Variants in LCLAT1 observed in about 807,000 individuals in gnomAD.
LCLAT1 encodes 1-AGP acyltransferase 8.
In LCLAT1, 11 loss-of-function variants were observed where a neutral mutation model predicts 30.7. That is an observed-to-expected ratio of 0.36 (90% confidence interval 0.23 to 0.59). The LOEUF (loss-of-function observed/expected upper bound fraction) is 0.59. Among genes scored for constraint, LCLAT1 ranks in the 20% least tolerant of loss-of-function variants. The probability of loss-of-function intolerance (pLI) is 0.77; values close to 1 mark genes in which losing one functional copy is unlikely to be tolerated. For synonymous variants in LCLAT1, 155 were observed against 151.3 expected (o/e 1.02, Z -0.18); for missense variants, 402 against 458.6 (o/e 0.88, Z 1.13).
chr2:30,478,320 G>A (rs1683145872), intron 1 of LCLAT1, among the ~76,000 whole-genome samples: 1 of 152,118 alleles, frequency 6.6e-6, no homozygotes, highest in South Asian at 2.1e-4. Context: ...CATAATTTTT[G>A]TGGGAAAATG....
At chr2:30,457,144 T>C (rs1681876388) in intron 1 of LCLAT1, among the ~76,000 whole-genome samples, 1 of 152,230 alleles carries the variant, frequency 6.6e-6, no homozygotes, top group Non-Finnish European at 1.5e-5. Context: ...TGCATTGAGA[T>C]ATAAATTAAT....
At chr2:30,457,819 G>T (rs1257472846) in intron 1 of LCLAT1, among the ~76,000 whole-genome samples, 1 of 152,068 alleles carries the variant, frequency 6.6e-6, no homozygotes, top group Non-Finnish European at 1.5e-5. Context: ...TTGCGATTTG[G>T]GTCACGGAAT....
intron 1 of LCLAT1, among the ~76,000 whole-genome samples, chr2:30,502,169 TTCAGTGATTTCACTC>T (rs1189145673): frequency 1.3e-5 from 2 of 152,220 alleles, no homozygotes; most frequent in African/African-American, 4.8e-5. Flanking sequence ...GCTTTTTTTG[TTCAGTGATTTCACTC>T]TCTAGTTTTT....
At chr2:30,608,448 T>C (rs550529195) in intron 5 of LCLAT1, among the ~76,000 whole-genome samples, 1 of 152,196 alleles carries the variant, frequency 6.6e-6, no homozygotes, top group African/African-American at 2.4e-5. Context: ...AGTGGTGTCC[T>C]AGGCCTTCAC....
chr2:30,603,140 G>A (rs1667271189), intron 5 of LCLAT1, among the ~76,000 whole-genome samples: 1 of 152,030 alleles, frequency 6.6e-6, no homozygotes, highest in South Asian at 2.1e-4. Flanking sequence ...TGCAACATAT[G>A]TAAGAAATTT....
At chr2:30,546,577 C>T (rs969451662) in intron 3 of LCLAT1, among the ~76,000 whole-genome samples, 1 of 152,168 alleles carries the variant, frequency 6.6e-6, no homozygotes, top group African/African-American at 2.4e-5. Context: ...TATTTATAAA[C>T]ATTACAATAA....
chr2:30,552,979 C>T (rs779002982), intron 3 of LCLAT1, among the ~76,000 whole-genome samples: 40 of 152,154 alleles, frequency 2.6e-4, no homozygotes, highest in Non-Finnish European at 3.1e-4. Flanking sequence ...GTCTTTCTTC[C>T]GCCCTGCTTT....
chr2:30,481,704 T>C (rs1480478708), intron 1 of LCLAT1, among the ~76,000 whole-genome samples: 1 of 152,100 alleles, frequency 6.6e-6, no homozygotes, highest in Non-Finnish European at 1.5e-5. Context: ...GGCAGAAAGC[T>C]GACTGAAGAG....
chr2:30,519,953 G>T (rs1057425820), intron 1 of LCLAT1, among the ~76,000 whole-genome samples: 1 of 152,160 alleles, frequency 6.6e-6, no homozygotes, highest in African/African-American at 2.4e-5. Flanking sequence ...CACCGTGTCC[G>T]CTGCGCTTCT....
chr2:30,522,625 A>G (rs946128957), intron 1 of LCLAT1, among the ~76,000 whole-genome samples: 1 of 152,214 alleles, frequency 6.6e-6, no homozygotes, highest in East Asian at 1.9e-4. Context: ...GGTAATTGGG[A>G]TATCTTTGTA....
chr2:30,501,257 G>C (rs937049456), intron 1 of LCLAT1, among the ~76,000 whole-genome samples: 4 of 152,118 alleles, frequency 2.6e-5, no homozygotes, highest in African/African-American at 4.8e-5. Context: ...TCAGTGATTG[G>C]CTTTCTGTGC....
rs749196399 is a variant in LCLAT1, at chr2:30,562,332, G to A, written c.511+40G>A. 46 of 1,501,418 alleles carry A rather than the reference G, an allele frequency of 3.1e-5. 1 individual carries two copies. The South Asian group carries it at 5.9e-4, about 19-fold the overall frequency. The allele number at this position is 1,501,418 out of a possible 1,614,324, so 93.0% of individuals were successfully genotyped here. A position where few individuals can be genotyped will look rare whatever the true frequency, so the allele number is the denominator to read the frequency against. On this transcript the variant is annotated intron_variant, in intron 4 of 5. Transcript: ENST00000379509. ...GTTTGGCAAAGTTAGAAATCATGTA[G>A]TCTAAACTTCTCATTTCTCAGATGA...
intron 3 of LCLAT1, among the ~76,000 whole-genome samples, chr2:30,539,634 A>G (rs1011774939): frequency 1.3e-5 from 2 of 152,324 alleles, no homozygotes; most frequent in East Asian, 1.9e-4. Context: ...TCCACTAATC[A>G]TTTTAAGGAA....
intron 1 of LCLAT1, among the ~76,000 whole-genome samples, chr2:30,500,509 T>C (rs1684323240): frequency 6.6e-6 from 1 of 152,238 alleles, no homozygotes; most frequent in African/African-American, 2.4e-5. Context: ...TGCTGAATTA[T>C]TTTTCTAAAG....
intron 1 of LCLAT1, among the ~76,000 whole-genome samples, chr2:30,510,350 C>A (rs1165745012): frequency 6.6e-6 from 1 of 152,188 alleles, no homozygotes; most frequent in Non-Finnish European, 1.5e-5. Context: ...CTAACACTTG[C>A]TACAGGGACG....
chr2:30,615,506 T>C (rs950590584), intron 5 of LCLAT1, among the ~76,000 whole-genome samples: 1 of 152,102 alleles, frequency 6.6e-6, no homozygotes, highest in Non-Finnish European at 1.5e-5. Flanking sequence ...TAAGGAAATA[T>C]GTATGTTGAG....
intron 1 of LCLAT1, among the ~76,000 whole-genome samples, chr2:30,525,336 T>G (rs993102731): frequency 2.6e-5 from 4 of 152,100 alleles, no homozygotes; most frequent in African/African-American, 9.7e-5. Flanking sequence ...TTCAGCCTCC[T>G]AAAGTGCTGG....
intron 1 of LCLAT1, among the ~76,000 whole-genome samples, chr2:30,490,914 T>G (rs1230536939): frequency 6.6e-6 from 1 of 152,188 alleles, no homozygotes; most frequent in Non-Finnish European, 1.5e-5. Flanking sequence ...ACACCAGATT[T>G]CAAAGACTTA....
At chr2:30,504,933 G>A (rs539959659) in intron 1 of LCLAT1, among the ~76,000 whole-genome samples, 1 of 152,242 alleles carries the variant, frequency 6.6e-6, no homozygotes, top group African/African-American at 2.4e-5. Flanking sequence ...GGGGGAGGGT[G>A]TGGTTTCCTT....
Sources: gnomAD v4.1 joint callset for allele counts (sites outside exome capture counted in the v4.1 genomes callset) on GRCh38, gnomAD v4.1.1 for gene constraint, MANE v1.5 for transcripts, NCBI Gene and HGNC (gene_info 2026-07-23, HGNC 2026-07-21) for gene names.